COL22A1: variants seen among roughly 807,000 people sequenced by gnomAD.
COL22A1 encodes collagen type XXII alpha 1 chain.
A neutral mutation model predicts 248.9 loss-of-function variants in COL22A1; 221 were observed. The observed-to-expected ratio is 0.89, with a 90% CI of 0.80 to 0.99. The LOEUF is 0.99. COL22A1 is among the 50% of genes least tolerant of loss of function. COL22A1 has a pLI of 0.00. For synonymous variants in COL22A1, 891 were observed against 793.4 expected (o/e 1.12, Z -2.07); for missense variants, 2,240 against 2,179.0 (o/e 1.03, Z -0.56).
chr8:138,626,963 T>C (rs1224228133), intron 50 of COL22A1, among the ~76,000 whole-genome samples: 1 of 152,182 alleles, frequency 6.6e-6, no homozygotes, highest in East Asian at 1.9e-4. Flanking sequence ...CATGAGTATT[T>C]AGAGCTGACA....
intron 60 of COL22A1, 89 bp downstream of exon 60, chr8:138,602,026 G>A: frequency 7.0e-7 from 1 of 1,430,240 alleles, no homozygotes; most frequent in Non-Finnish European, 9.9e-7. Context: ...TTTACTAACT[G>A]CCTTGGACAA....
chr8:138,688,053 G>A (rs530391887), intron 37 of COL22A1, among the ~76,000 whole-genome samples: 14 of 152,292 alleles, frequency 9.2e-5, no homozygotes, highest in Admixed American at 3.3e-4. Context: ...AAATGAGTAC[G>A]TCTGATTTCC....
At chr8:138,608,908 G>A (rs1374720277) in intron 56 of COL22A1, among the ~76,000 whole-genome samples, 3 of 152,184 alleles carry the variant, frequency 2.0e-5, no homozygotes, top group Non-Finnish European at 4.4e-5. Context: ...CAGCCTAGGA[G>A]GAGAGAGCCT....
chr8:138,699,644 C>T (rs1827793759), intron 32 of COL22A1, among the ~76,000 whole-genome samples: 1 of 152,240 alleles, frequency 6.6e-6, no homozygotes, highest in East Asian at 1.9e-4. Context: ...ATCGGCACAC[C>T]CCAGGCTACA....
rs531057900 is a variant in COL22A1, at chr8:138,760,192, G to A, written c.1902+51C>T. On this transcript the variant is annotated intron_variant, in intron 18 of 64. Coordinates refer to ENST00000303045, the MANE Select transcript of COL22A1 (RefSeq NM_152888.3). ...TGGTTTGCCAAGGCGGGCAGTCCCC[G>A]CACCTGCCTGCCCAGGGCACAGAGC... 33 of 1,477,254 alleles carry A rather than the reference G, an allele frequency of 2.2e-5. No homozygotes were observed. The East Asian group carries it at 3.9e-4, about 17-fold the overall frequency. The allele number at this position is 1,477,254 out of a possible 1,614,324, so 91.5% of individuals were successfully genotyped here.
intron 52 of COL22A1, among the ~76,000 whole-genome samples, chr8:138,621,000 T>TCCAC (rs1564106737): frequency 6.8e-6 from 1 of 146,408 alleles, no homozygotes; most frequent in African/African-American, 2.7e-5. Context: ...CATCCACCCA[T>TCCAC]CCATCCATCC....
chr8:138,627,510 T>C (rs1409942380), intron 50 of COL22A1, among the ~76,000 whole-genome samples: 2 of 152,244 alleles, frequency 1.3e-5, no homozygotes, highest in East Asian at 1.9e-4. Context: ...AATAAGAATG[T>C]GGCAGATCCA....
chr8:138,620,868 G>A (rs1819725631), intron 52 of COL22A1, among the ~76,000 whole-genome samples: 1 of 151,884 alleles, frequency 6.6e-6, no homozygotes, highest in African/African-American at 2.4e-5. Flanking sequence ...TAAGCAACAG[G>A]CAACTCAAAA....
intron 3 of COL22A1, among the ~76,000 whole-genome samples, chr8:138,862,352 G>A (rs951834596): frequency 1.3e-5 from 2 of 152,160 alleles, no homozygotes; most frequent in African/African-American, 4.8e-5. Context: ...CTCTGTCCGT[G>A]CCCCACTCCA....
intron 41 of COL22A1, among the ~76,000 whole-genome samples, chr8:138,668,457 C>T (rs747242878): frequency 3.3e-5 from 5 of 152,196 alleles, no homozygotes; most frequent in African/African-American, 7.2e-5. Flanking sequence ...ATCTGATACA[C>T]ATGCACAGCC....
At chr8:138,738,057 T>C (rs1179448175) in intron 22 of COL22A1, among the ~76,000 whole-genome samples, 1 of 152,140 alleles carries the variant, frequency 6.6e-6, no homozygotes. Flanking sequence ...CTGTTAAACT[T>C]TGCTTCTTTG....
At chr8:138,722,327 C>G (rs1172476428) in intron 25 of COL22A1, 2 of 544,862 alleles carry the variant, frequency 3.7e-6, no homozygotes, top group Non-Finnish European at 6.6e-6. Flanking sequence ...TTTCAGTACA[C>G]TGGCCATGCA....
At chr8:138,692,419 G>A (rs1827147288) in intron 35 of COL22A1, among the ~76,000 whole-genome samples, 1 of 151,418 alleles carries the variant, frequency 6.6e-6, no homozygotes, top group Non-Finnish European at 1.5e-5. Context: ...ATGTGTGTGT[G>A]CACGTACGTG....
chr8:138,694,740 C>CGGTGCAGA, intron 33 of COL22A1, 86 bp downstream of exon 33: 1 of 1,499,136 alleles, frequency 6.7e-7, no homozygotes, highest in East Asian at 2.3e-5. Flanking sequence ...GTGGAATGCA[C>CGGTGCAGA]GGTGCAGATC....
intron 23 of COL22A1, among the ~76,000 whole-genome samples, chr8:138,730,828 G>C (rs1830655883): frequency 6.6e-6 from 1 of 151,762 alleles, no homozygotes; most frequent in Admixed American, 6.6e-5. Flanking sequence ...GAGGGGAGTG[G>C]AATAGGAGAG....
At chr8:138,897,514 A>G (rs1814205899) in intron 1 of COL22A1, among the ~76,000 whole-genome samples, 1 of 151,968 alleles carries the variant, frequency 6.6e-6, no homozygotes, top group South Asian at 2.1e-4. Flanking sequence ...ATGCCACTGC[A>G]CTGCAGCCTA....
intron 52 of COL22A1, among the ~76,000 whole-genome samples, chr8:138,621,438 A>G (rs4581056): frequency 0.98 from 149,045 of 152,250 alleles, 73,097 homozygotes; most frequent in African/African-American, 1. Context: ...TCCCTCACTG[A>G]TTCAGGGGAT....
At chr8:138,594,420 T>G (rs1005377339) in intron 62 of COL22A1, among the ~76,000 whole-genome samples, 1 of 152,186 alleles carries the variant, frequency 6.6e-6, no homozygotes, top group Non-Finnish European at 1.5e-5. Context: ...AGCATTTGTA[T>G]GGGCACCTTC....
chr8:138,657,126 A>C (rs564931779), intron 44 of COL22A1, among the ~76,000 whole-genome samples: 19 of 152,344 alleles, frequency 1.2e-4, no homozygotes, highest in Non-Finnish European at 2.5e-4. Context: ...GGGTTGAATT[A>C]AATCAGATTG....
Sources: allele counts gnomAD v4.1 joint callset (sites outside exome capture counted in the v4.1 genomes callset), GRCh38; gene constraint gnomAD v4.1.1; transcripts MANE v1.5; gene names NCBI Gene and HGNC (gene_info 2026-07-23, HGNC 2026-07-21).